HADHA: variants seen among roughly 807,000 people sequenced by gnomAD.
HADHA encodes trifunctional enzyme subunit alpha, mitochondrial.
HADHA carries 59 observed loss-of-function variants against 91.3 expected under a neutral mutation model. The observed-to-expected ratio is 0.65, with a 90% CI of 0.52 to 0.80. The LOEUF is 0.80. HADHA is among the 30% of genes least tolerant of loss of function. The probability of loss-of-function intolerance (pLI) is 0.00; values close to 1 mark genes in which losing one functional copy is unlikely to be tolerated. For synonymous variants in HADHA, 320 were observed against 338.9 expected, an observed-to-expected ratio of 0.94 and a Z score of 0.61; for missense variants, 800 against 927.6, an observed-to-expected ratio of 0.86 and a Z score of 1.79.
At chr2:26,209,681 G>T in intron 11 of HADHA, 99 bp downstream of exon 11, 1 of 785,516 alleles carries the variant, frequency 1.3e-6, no homozygotes, top group African/African-American at 1.7e-5. Flanking sequence ...GGGCAAGACT[G>T]AATTAAGATA....
chr2:26,242,912 C>T (rs1048943621), intron 1 of HADHA, among the ~76,000 whole-genome samples: 12 of 152,160 alleles, frequency 7.9e-5, no homozygotes, highest in African/African-American at 2.9e-4. Flanking sequence ...CCAACACGTC[C>T]GGCTAATTTC....
intron 13 of HADHA, among the ~76,000 whole-genome samples, chr2:26,199,049 C>T (rs879345743): frequency 3.9e-5 from 6 of 152,048 alleles, no homozygotes; most frequent in African/African-American, 1.5e-4. Flanking sequence ...CACCTGCCAC[C>T]ATGCCTGGCT....
At chr2:26,241,477 C>CAAAA (rs141836425) in intron 1 of HADHA, among the ~76,000 whole-genome samples, 1 of 136,968 alleles carries the variant, frequency 7.3e-6, no homozygotes, top group Non-Finnish European at 1.6e-5. Context: ...ACAACAACAA[C>CAAAA]AAAAAAAAAA....
chr2:26,218,309 A>AG (rs962170580), intron 7 of HADHA, among the ~76,000 whole-genome samples: 1 of 151,662 alleles, frequency 6.6e-6, no homozygotes, highest in Non-Finnish European at 1.5e-5. Flanking sequence ...CAAAAAAAAA[A>AG]AGAGAGAGAA....
chr2:26,194,539 T>C, intron 16 of HADHA, 31 bp downstream of exon 16: 1 of 1,387,132 alleles, frequency 7.2e-7, no homozygotes, highest in Non-Finnish European at 1.0e-6. Context: ...GAGTGGAAGA[T>C]GCCGCAAACA....
rs140722308 is a variant in HADHA at position 26,229,837 on chromosome 2, T to C, written c.676+355A>G. Among the ~76,000 whole-genome samples, 989 of 152,334 alleles carry C rather than the reference T, an allele frequency of 6.5e-3. 13 individuals are homozygous for C. The highest frequency in any genetic ancestry group is 0.023 in the African/African-American group (941 of 41,574). On this transcript the variant is annotated intron_variant, in intron 7 of 19. Coordinates refer to ENST00000380649, the MANE Select transcript of HADHA (RefSeq NM_000182.5). The surrounding 1 kb of genome is among the most constrained non-coding windows in gnomAD (Gnocchi z 4.3). ...TGATATTCAAGAGGTTAACTGTTTT[T>C]TCTTTTGAGATGGGAGTCTGGCTCT...
intron 1 of HADHA, among the ~76,000 whole-genome samples, chr2:26,242,308 G>A (rs72809662): frequency 6.6e-6 from 1 of 152,290 alleles, no homozygotes; most frequent in Non-Finnish European, 1.5e-5. Flanking sequence ...TAATATAAGG[G>A]TGCAGGTCAT....
At position 26,232,216 on chromosome 2, in the gene HADHA, C is replaced by T. The variant is rs1484368885; in HGVS notation, c.517G>A (p.Glu173Lys). Residue 173 changes from glutamate to lysine, a missense_variant, in exon 6 of 20, where the codon GAA becomes AAA. Transcript: ENST00000380649. ...KDRKTVLGTPEVLLGALPGAG... is the reference protein window; with the variant it reads ...KDRKTVLGTPKVLLGALPGAG... ...CCTGGTAAGGCCCCCAGCAAAACTT[C>T]AGGGGTACCTAATACTGTTTTTCTG... 1 of 1,606,716 alleles carries T rather than the reference C, an allele frequency of 6.2e-7. No homozygotes were observed. The highest frequency in any genetic ancestry group is 1.3e-5 in the African/African-American group (1 of 74,792).
chr2:26,206,251 G>A (rs77730589), intron 11 of HADHA, among the ~76,000 whole-genome samples: 1 of 146,026 alleles, frequency 6.8e-6, no homozygotes, highest in South Asian at 2.2e-4. Flanking sequence ...TTTTTAAGAT[G>A]GAGTTTCACT....
At position 26,204,204 on chromosome 2, in the gene HADHA, G is replaced by A. The variant is rs1669920814; in HGVS notation, c.1086-8C>T. On this transcript the variant is annotated splice_polypyrimidine_tract_variant and splice_region_variant and intron_variant, in intron 11 of 19. Coordinates refer to ENST00000380649, the MANE Select transcript of HADHA (RefSeq NM_000182.5). ...CCAAGAATAGCCAGATGCCTGCAAG[G>A]CAAGGATGAAATGACTTTCGGTAAA... The A allele has an allele frequency of 5.0e-6, 8 of 1,613,504 alleles. No homozygotes were observed. The highest frequency in any genetic ancestry group is 1.3e-5 in the African/African-American group (1 of 74,938).
At position 26,220,255 on chromosome 2, in the gene HADHA, C is replaced by T. The variant is rs79411934; in HGVS notation, c.677-5080G>A. Among the ~76,000 whole-genome samples, 217 of 152,282 alleles carry T rather than the reference C, an allele frequency of 1.4e-3. 1 individual carries two copies. The highest frequency in any genetic ancestry group is 5.0e-3 in the African/African-American group (206 of 41,554). ...CTGAGCCCATCCTGCGGTTATTTTC[C>T]CAGTTTCAGAATGTACAATTGGAGC... is the stretch of plus-strand genomic sequence containing the variant. On this transcript the variant is annotated intron_variant, in intron 7 of 19. Coordinates refer to ENST00000380649, the MANE Select transcript of HADHA (RefSeq NM_000182.5).
chr2:26,230,164 T>G, intron 7 of HADHA, 28 bp downstream of exon 7: 1 of 1,331,232 alleles, frequency 7.5e-7, no homozygotes, highest in Non-Finnish European at 1.1e-6. Flanking sequence ...CTTTATAAGG[T>G]CTGACTCTGA....
intron 11 of HADHA, among the ~76,000 whole-genome samples, chr2:26,206,072 G>A (rs1669963131): frequency 6.6e-6 from 1 of 151,950 alleles, no homozygotes. Context: ...AGGCCTAGGA[G>A]GGAGGATCGC....
chr2:26,234,184 G>A, intron 5 of HADHA, 33 bp downstream of exon 5: 1 of 1,602,682 alleles, frequency 6.2e-7, no homozygotes, highest in Non-Finnish European at 8.5e-7. Flanking sequence ...CAATGAGTTG[G>A]ACAGTGTCTC....
intron 11 of HADHA, among the ~76,000 whole-genome samples, chr2:26,207,437 C>T (rs1428900743): frequency 6.6e-6 from 1 of 151,522 alleles, no homozygotes; most frequent in African/African-American, 2.4e-5. Flanking sequence ...ACAGAATCCA[C>T]AGCTAAAATA....
intron 17 of HADHA, among the ~76,000 whole-genome samples, chr2:26,193,237 A>T (rs1297608310): frequency 6.7e-6 from 1 of 149,986 alleles, no homozygotes; most frequent in Non-Finnish European, 1.5e-5. Flanking sequence ...GAAGGGTAGA[A>T]CTCTGCCTTT....
intron 14 of HADHA, among the ~76,000 whole-genome samples, chr2:26,196,682 G>A (rs1186805409): frequency 2.6e-5 from 4 of 152,142 alleles, no homozygotes; most frequent in Non-Finnish European, 5.9e-5. Context: ...AGGCAAGCAG[G>A]TGAGAAAAGC....
intron 14 of HADHA, 31 bp from the exon 15 acceptor site, chr2:26,195,263 G>T: frequency 6.3e-7 from 1 of 1,594,528 alleles, no homozygotes; most frequent in Non-Finnish European, 8.6e-7. Context: ...CCAACAGATC[G>T]GAGAATGCGG....
intron 18 of HADHA, among the ~76,000 whole-genome samples, chr2:26,191,846 CAG>C (rs1027408812): frequency 2.6e-5 from 4 of 152,190 alleles, no homozygotes; most frequent in Non-Finnish European, 5.9e-5. Flanking sequence ...GCACCTAGAA[CAG>C]GGCCTGGTGC....
Sources: gnomAD v4.1 joint callset for allele counts (sites outside exome capture counted in the v4.1 genomes callset) on GRCh38, gnomAD v4.1.1 for gene constraint, Gnocchi (gnomAD v3.1) non-coding constraint, MANE v1.5 for transcripts, NCBI Gene and HGNC (gene_info 2026-07-23, HGNC 2026-07-21) for gene names.